The following KCNQ5 variants were observed in gnomAD, a reference collection of about 807,000 sequenced individuals.
KCNQ5 encodes the protein potassium voltage-gated channel subfamily KQT member 5.
In KCNQ5, 30 loss-of-function variants were observed where a neutral mutation model predicts 98.2. The observed-to-expected ratio is 0.31, with a 90% CI of 0.23 to 0.41. The LOEUF (loss-of-function observed/expected upper bound fraction) is 0.41, where lower values mean the gene tolerates loss of function less well. KCNQ5 is among the 10% of genes least tolerant of loss of function. The pLI, the probability that KCNQ5 is intolerant of heterozygous loss-of-function variation, is 1.00. For synonymous variants in KCNQ5, 458 were observed against 449.4 expected, an observed-to-expected ratio of 1.02 and a Z score of -0.24; for missense variants, 835 against 1,182.5, an observed-to-expected ratio of 0.71 and a Z score of 4.31.
rs548074082 is a variant in KCNQ5, at chr6:72,942,570, A to G, written c.399-61338A>G. 7.9e-5 allele frequency among the ~76,000 whole-genome samples: 12 copies of G among 152,374 alleles called. No individual in the cohort carries two copies. In the South Asian group the frequency reaches 2.5e-3, roughly 32 times the overall value. On this transcript the variant is annotated intron_variant, in intron 1 of 13. Coordinates refer to ENST00000370398, the MANE Select transcript of KCNQ5 (RefSeq NM_019842.4). Reference sequence around the variant, plus strand: ...GGCAGAGAAATTCTGCTTTCAGTATACTAATTTACTTTTAACTTTTCAGAT... The same window carrying G: ...GGCAGAGAAATTCTGCTTTCAGTATGCTAATTTACTTTTAACTTTTCAGAT...
intron 1 of KCNQ5, among the ~76,000 whole-genome samples, chr6:72,945,982 G>T (rs1318863005): frequency 6.6e-6 from 1 of 152,052 alleles, no homozygotes; most frequent in Non-Finnish European, 1.5e-5. Flanking sequence ...CAGAGATTCG[G>T]GAGAGCCATG....
In KCNQ5 at chr6:73,115,320, A is replaced by G. The variant is rs529592862; in HGVS notation, c.1125+3917A>G. Among the ~76,000 whole-genome samples, 213 of 152,342 alleles carry G rather than the reference A, an allele frequency of 1.4e-3. 2 individuals carry two copies. Among genetic ancestry groups the G allele is most frequent in the African/African-American group, 5.0e-3 (208 of 41,588 alleles). ...TGTCCATCCAGGCATTCCAATATCCAGCTAATAAAGATGTCTCAGCTCAAG... is the reference window on the plus strand; with the variant it reads ...TGTCCATCCAGGCATTCCAATATCCGGCTAATAAAGATGTCTCAGCTCAAG... On this transcript the variant is annotated intron_variant, in intron 7 of 13. Transcript: ENST00000370398.
rs544039564 is a variant in KCNQ5 at position 72,732,052 on chromosome 6, A to G, written c.398+109465A>G. On this transcript the variant is annotated intron_variant, in intron 1 of 13. Coordinates refer to ENST00000370398, the MANE Select transcript of KCNQ5 (RefSeq NM_019842.4). ...ATGTGTTCAAGAGTAATTGAATCAC[A>G]TGTTCCCTTTTTTCCTTTGGAATTG... Among the ~76,000 whole-genome samples the G allele has an allele frequency of 3.3e-5, 5 of 152,354 alleles. No individual in the cohort carries two copies. In the East Asian group the frequency reaches 9.6e-4, roughly 29 times the overall value.
chr6:73,141,560 A>G (rs2150469088), intron 10 of KCNQ5, among the ~76,000 whole-genome samples: 1 of 152,324 alleles, frequency 6.6e-6, no homozygotes, highest in East Asian at 1.9e-4. Context: ...GTTACTCTAC[A>G]GTGATAAGGA....
chr6:72,701,597 G>A (rs1254962890), intron 1 of KCNQ5, among the ~76,000 whole-genome samples: 1 of 151,762 alleles, frequency 6.6e-6, no homozygotes, highest in Non-Finnish European at 1.5e-5. Context: ...GTTTTGTTTA[G>A]AGTTGGGGGT....
intron 1 of KCNQ5, among the ~76,000 whole-genome samples, chr6:72,667,099 T>C (rs1210334781): frequency 6.6e-6 from 1 of 152,152 alleles, no homozygotes; most frequent in Non-Finnish European, 1.5e-5. Context: ...CAGCTTCTGA[T>C]AAGAAATGTC....
At chr6:73,044,695 G>A (rs1209818170) in intron 3 of KCNQ5, among the ~76,000 whole-genome samples, 1 of 152,176 alleles carries the variant, frequency 6.6e-6, no homozygotes, top group Non-Finnish European at 1.5e-5. Flanking sequence ...GATGTAACTG[G>A]TAAAATACTA....
intron 1 of KCNQ5, among the ~76,000 whole-genome samples, chr6:72,744,283 A>G (rs1308080068): frequency 6.6e-6 from 1 of 152,190 alleles, no homozygotes; most frequent in African/African-American, 2.4e-5. Flanking sequence ...CAATCTATTT[A>G]TCCTGTGGTG....
At chr6:73,080,636 T>C (rs1279436540) in intron 5 of KCNQ5, among the ~76,000 whole-genome samples, 2 of 152,190 alleles carry the variant, frequency 1.3e-5, no homozygotes, top group African/African-American at 4.8e-5. Flanking sequence ...ATGTTGCACC[T>C]AATGGAAACC....
chr6:72,660,988 A>C (rs1350135035), intron 1 of KCNQ5, among the ~76,000 whole-genome samples: 2 of 152,124 alleles, frequency 1.3e-5, no homozygotes, highest in Middle Eastern at 3.4e-3. Flanking sequence ...TAGGTGACAA[A>C]ATTTTTAAAA....
intron 1 of KCNQ5, among the ~76,000 whole-genome samples, chr6:72,678,171 C>T (rs1180210416): frequency 6.6e-6 from 1 of 152,144 alleles, no homozygotes; most frequent in Non-Finnish European, 1.5e-5. Flanking sequence ...AATCTATTGA[C>T]TCTCTCAGAA....
chr6:72,809,106 A>G (rs537429138), intron 1 of KCNQ5, among the ~76,000 whole-genome samples: 7,112 of 151,370 alleles, frequency 0.047, 513 homozygotes, highest in African/African-American at 0.16. Flanking sequence ...CATGGATGAA[A>G]CTGGAAACCA....
At chr6:73,139,216 G>A (rs1776607325) in intron 10 of KCNQ5, among the ~76,000 whole-genome samples, 1 of 152,198 alleles carries the variant, frequency 6.6e-6, no homozygotes, top group African/African-American at 2.4e-5. Context: ...GAGGAGAACT[G>A]TCCATTCACA....
chr6:72,969,030 A>G (rs1767747946), intron 1 of KCNQ5, among the ~76,000 whole-genome samples: 1 of 152,238 alleles, frequency 6.6e-6, no homozygotes, highest in South Asian at 2.1e-4. Flanking sequence ...TCCTAAGTAC[A>G]GTTTGGCTTC....
chr6:72,751,490 TGTAAA>T (rs1295599246), intron 1 of KCNQ5, among the ~76,000 whole-genome samples: 2 of 151,990 alleles, frequency 1.3e-5, no homozygotes, highest in African/African-American at 4.8e-5. Flanking sequence ...AAAGGAGAAA[TGTAAA>T]GTAAATATAC....
rs375034738 is a variant in KCNQ5 at position 72,899,768 on chromosome 6, C to A, written c.399-104140C>A. ...CCCATCACCAGAGCAGTATACACTT[C>A]ACCCTCTGTGTAGTCTTTTATCCCT... On this transcript the variant is annotated intron_variant, in intron 1 of 13. Coordinates refer to ENST00000370398, the MANE Select transcript of KCNQ5 (RefSeq NM_019842.4). 6.6e-5 allele frequency among the ~76,000 whole-genome samples: 10 copies of A among 152,098 alleles called. No individual in the cohort carries two copies. The East Asian group carries it at 1.6e-3, about 24-fold the overall frequency.
intron 1 of KCNQ5, among the ~76,000 whole-genome samples, chr6:72,946,786 C>T (rs182235069): frequency 2.6e-5 from 4 of 152,286 alleles, no homozygotes; most frequent in African/African-American, 9.6e-5. Context: ...GAACAACTTG[C>T]ACTCAGAAAT....
At chr6:72,701,361 TACTGCTTTAG>T (rs1338471961) in intron 1 of KCNQ5, among the ~76,000 whole-genome samples, 1 of 152,222 alleles carries the variant, frequency 6.6e-6, no homozygotes, top group Non-Finnish European at 1.5e-5. Flanking sequence ...ACCTCAAAAA[TACTGCTTTAG>T]ACAATTTTTT....
intron 1 of KCNQ5, among the ~76,000 whole-genome samples, chr6:72,770,183 G>A (rs1283373167): frequency 6.6e-6 from 1 of 152,074 alleles, no homozygotes; most frequent in African/African-American, 2.4e-5. Context: ...GAAAATGTTG[G>A]CAGTTATATC....
Sources: allele counts gnomAD v4.1 joint callset (sites outside exome capture counted in the v4.1 genomes callset), GRCh38; gene constraint gnomAD v4.1.1; transcripts MANE v1.5; gene names NCBI Gene and HGNC (gene_info 2026-07-23, HGNC 2026-07-21).